The following ARHGAP22 variants were observed in gnomAD, a reference collection of about 807,000 sequenced individuals.
The protein encoded by ARHGAP22 is Rho GTPase activating protein 22, also known as rho GTPase-activating protein 22.
In ARHGAP22, 48 loss-of-function variants were observed where a neutral mutation model predicts 59.1. The ratio of observed to expected loss-of-function variants is 0.81; its 90% CI spans 0.64 to 1.03. The LOEUF is 1.03. Ranked by LOEUF, ARHGAP22 falls within the 50% of genes least tolerant of loss-of-function variation. The probability of loss-of-function intolerance (pLI) is 0.00; values close to 1 mark genes in which losing one functional copy is unlikely to be tolerated. For missense variants in ARHGAP22, 1,015 were observed against 958.7 expected (o/e 1.06, Z -0.78); for synonymous variants, 445 against 416.4 (o/e 1.07, Z -0.84).
At chr10:48,538,460 C>T (rs1183069760) in intron 3 of ARHGAP22, among the ~76,000 whole-genome samples, 2 of 152,204 alleles carry the variant, frequency 1.3e-5, no homozygotes, top group East Asian at 3.9e-4. Context: ...AATCTCAAGT[C>T]AACAGAAAAG....
intron 3 of ARHGAP22, among the ~76,000 whole-genome samples, chr10:48,487,197 T>A (rs890733380): frequency 6.6e-6 from 1 of 152,172 alleles, no homozygotes; most frequent in Non-Finnish European, 1.5e-5. Flanking sequence ...CAACTTAAGG[T>A]TATCCTGCAG....
chr10:48,435,046 GGGGT>G, the ARHGAP22 span: 5 of 1,506,104 alleles, frequency 3.3e-6, no homozygotes, highest in Non-Finnish European at 4.5e-6. Flanking sequence ...GGGCCATCGG[GGGGT>G]GGGAGGGATG....
intron 1 of ARHGAP22, among the ~76,000 whole-genome samples, chr10:48,613,958 C>T (rs1397461514): frequency 1.3e-5 from 2 of 152,218 alleles, no homozygotes; most frequent in South Asian, 2.1e-4. Context: ...CTCTTGAATG[C>T]TCTCTCTTGC....
chr10:48,430,852 C>T, the ARHGAP22 span: 1 of 279,424 alleles, frequency 3.6e-6, no homozygotes, highest in Non-Finnish European at 6.7e-6. Context: ...CTCCCTGAGA[C>T]AGATGGTAGT....
chr10:48,558,340 G>GTTTTTTTTTTTTTTTTTTTTTT (rs59162298), intron 2 of ARHGAP22, among the ~76,000 whole-genome samples: 1 of 149,220 alleles, frequency 6.7e-6, no homozygotes, highest in African/African-American at 2.5e-5. Flanking sequence ...GCGATTTAAT[G>GTTTTTTTTTTTTTTTTTTTTTT]TTTTTTTTTT....
intron 1 of ARHGAP22, among the ~76,000 whole-genome samples, chr10:48,614,820 A>T (rs1333515020): frequency 6.6e-6 from 1 of 152,194 alleles, no homozygotes; most frequent in East Asian, 1.9e-4. Flanking sequence ...AGCACAATGG[A>T]CTTCATCTGC....
chr10:48,494,169 CTG>C (rs34580691), intron 3 of ARHGAP22, among the ~76,000 whole-genome samples: 50,797 of 151,922 alleles, frequency 0.33, 8,835 homozygotes, highest in African/African-American at 0.43. Context: ...GACACATGGT[CTG>C]TGTCACAGAC....
At chr10:48,431,000 T>C in the ARHGAP22 span, 1 of 609,492 alleles carries the variant, frequency 1.6e-6, no homozygotes, top group Non-Finnish European at 2.9e-6. Context: ...TTTAATATGA[T>C]CCATTGTTGA....
intron 1 of ARHGAP22, among the ~76,000 whole-genome samples, chr10:48,588,228 C>T (rs1191241273): frequency 1.3e-5 from 2 of 152,158 alleles, no homozygotes; most frequent in Non-Finnish European, 2.9e-5. Context: ...GTCTCTACTT[C>T]AGTAGATGTA....
intron 1 of ARHGAP22, among the ~76,000 whole-genome samples, chr10:48,640,155 G>T (rs560403980): frequency 6.6e-6 from 1 of 152,118 alleles, no homozygotes; most frequent in Non-Finnish European, 1.5e-5. Context: ...CAGAGTTATC[G>T]AAATTAGCGA....
chr10:48,512,990 C>T (rs1190693878), intron 3 of ARHGAP22, among the ~76,000 whole-genome samples: 3 of 152,288 alleles, frequency 2.0e-5, no homozygotes, highest in African/African-American at 7.2e-5. Flanking sequence ...ATCTGTTTTG[C>T]AACTTCTTAA....
rs1240896997 is a variant in ARHGAP22 at position 48,446,622 on chromosome 10, G to T, written c.1869-3C>A. On this transcript the variant is annotated splice_region_variant and splice_polypyrimidine_tract_variant and intron_variant, in intron 9 of 9. Coordinates refer to ENST00000249601, the MANE Select transcript of ARHGAP22 (RefSeq NM_021226.4). The stretch of plus-strand genomic sequence containing the variant: ...GGTCAGCACTCCCTTCTTCGATTCT[G>T]AAAAGTCAAGGAGAGATGCTGTTTG... The T allele has an allele frequency of 1.2e-6, 2 of 1,613,146 alleles. No individual in the cohort carries two copies. Among genetic ancestry groups the T allele is most frequent in the Non-Finnish European group, 1.7e-6 (2 of 1,179,446 alleles).
chr10:48,559,324 G>A (rs7074631), intron 2 of ARHGAP22, among the ~76,000 whole-genome samples: 23,381 of 152,118 alleles, frequency 0.15, 1,891 homozygotes, highest in Admixed American at 0.23. Context: ...CCATGTGTCC[G>A]AGCTCATGTT....
chr10:48,452,726 C>T (rs72796304), intron 8 of ARHGAP22, among the ~76,000 whole-genome samples: 15,043 of 152,248 alleles, frequency 0.099, 775 homozygotes, highest in Non-Finnish European at 0.11. Flanking sequence ...TGAGTCCCCT[C>T]GCCTCTCTTG....
At position 48,454,075 on chromosome 10, in the gene ARHGAP22, C is replaced by T. The variant is rs1181508605; in HGVS notation, c.866+13G>A. The T allele has an allele frequency of 1.2e-6, 2 of 1,613,568 alleles. No individual in the cohort carries two copies. The highest frequency in any genetic ancestry group is 3.3e-5 in the Admixed American group (2 of 60,012). ...TGCAGGAAAGTGTGGTTCCCTCCTGCCAAGCCGCTTACTTGCAGATGTATC... is the reference window on the plus strand; with the variant it reads ...TGCAGGAAAGTGTGGTTCCCTCCTGTCAAGCCGCTTACTTGCAGATGTATC... On this transcript the variant is annotated intron_variant, in intron 7 of 9. Coordinates refer to ENST00000249601, the MANE Select transcript of ARHGAP22 (RefSeq NM_021226.4).
upstream of ARHGAP22, chr10:48,655,944 C>G (rs2062794055): frequency 6.6e-6 from 1 of 152,464 alleles, no homozygotes; most frequent in Admixed American, 6.5e-5. Context: ...AGTGGCCTGG[C>G]CACGTGCGCC....
the ARHGAP22 span, chr10:48,431,341 C>G: frequency 1.1e-6 from 1 of 918,632 alleles, no homozygotes; most frequent in Non-Finnish European, 1.7e-6. Flanking sequence ...TGGCCTGAAA[C>G]CTGCAGTTCT....
intron 3 of ARHGAP22, among the ~76,000 whole-genome samples, chr10:48,552,307 C>T (rs987145878): frequency 4.6e-5 from 7 of 152,238 alleles, no homozygotes; most frequent in African/African-American, 1.7e-4. Context: ...CGGGGTTTGT[C>T]CTCCTTCCTC....
intron 1 of ARHGAP22, among the ~76,000 whole-genome samples, chr10:48,590,131 G>T (rs1283143819): frequency 6.6e-6 from 1 of 152,042 alleles, no homozygotes; most frequent in Non-Finnish European, 1.5e-5. Flanking sequence ...GAGAGGGTAG[G>T]GGTGACAGGA....
Sources: gnomAD v4.1 joint callset for allele counts (sites outside exome capture counted in the v4.1 genomes callset) on GRCh38, gnomAD v4.1.1 for gene constraint, MANE v1.5 for transcripts, NCBI Gene and HGNC (gene_info 2026-07-23, HGNC 2026-07-21) for gene names.